NEK7: variants seen among roughly 807,000 people sequenced by gnomAD.
NEK7 encodes the protein NIMA related kinase 7.
NEK7 carries 18 observed loss-of-function variants against 44.6 expected under a neutral mutation model. The ratio of observed to expected loss-of-function variants is 0.40; its 90% CI spans 0.28 to 0.60. NEK7 has a LOEUF of 0.60. Ranked by LOEUF, NEK7 falls within the 20% of genes least tolerant of loss-of-function variation. The pLI is 0.38. For missense variants in NEK7, 256 were observed against 366.5 expected (o/e 0.70, Z 2.46); for synonymous variants, 130 against 121.1 (o/e 1.07, Z -0.48).
chr1:198,248,781 A>C (rs1252401975), intron 2 of NEK7, among the ~76,000 whole-genome samples: 3 of 152,162 alleles, frequency 2.0e-5, no homozygotes, highest in African/African-American at 7.2e-5. Flanking sequence ...GCAGAGAAAT[A>C]CTAGATTGGG....
chr1:198,230,830 A>G (rs1408639591), intron 1 of NEK7, among the ~76,000 whole-genome samples: 2 of 152,058 alleles, frequency 1.3e-5, no homozygotes, highest in Non-Finnish European at 2.9e-5. Flanking sequence ...GTAGTATCAA[A>G]AAATATAAAA....
intron 1 of NEK7, among the ~76,000 whole-genome samples, chr1:198,223,928 G>A (rs1385044231): frequency 1.3e-5 from 2 of 152,062 alleles, no homozygotes; most frequent in East Asian, 3.9e-4. Context: ...GTAGAATAAA[G>A]ATCTTTGCAA....
chr1:198,235,826 G>A (rs542373517), intron 2 of NEK7, among the ~76,000 whole-genome samples: 1 of 152,114 alleles, frequency 6.6e-6, no homozygotes, highest in Non-Finnish European at 1.5e-5. Flanking sequence ...TTTGAAGATA[G>A]TGTAATATTT....
At chr1:198,232,409 A>T (rs774816270) in intron 1 of NEK7, 144 bp from the exon 2 acceptor site, 1 of 467,174 alleles carries the variant, frequency 2.1e-6, no homozygotes, top group Admixed American at 3.8e-5. Context: ...GATTTAGCAA[A>T]TGGCAAAAGA....
intron 1 of NEK7, among the ~76,000 whole-genome samples, chr1:198,186,672 T>C (rs911781837): frequency 1.3e-5 from 2 of 152,162 alleles, no homozygotes; most frequent in Admixed American, 6.6e-5. Context: ...AATTTTCATA[T>C]GAGTATACCA....
At chr1:198,223,287 G>C (rs748615945) in intron 1 of NEK7, among the ~76,000 whole-genome samples, 2 of 152,110 alleles carry the variant, frequency 1.3e-5, no homozygotes, top group African/African-American at 4.8e-5. Flanking sequence ...TAACTTGTAG[G>C]GTAGTAGTAG....
At chr1:198,264,889 A>T (rs1241638009) in intron 5 of NEK7, among the ~76,000 whole-genome samples, 1 of 152,050 alleles carries the variant, frequency 6.6e-6, no homozygotes, top group Non-Finnish European at 1.5e-5. Context: ...AATAGAACCT[A>T]CTTTATAGGA....
intron 2 of NEK7, among the ~76,000 whole-genome samples, chr1:198,235,514 C>T (rs567320977): frequency 6.6e-6 from 1 of 151,994 alleles, no homozygotes; most frequent in East Asian, 1.9e-4. Context: ...GTGGATTTAG[C>T]TTTTTAAAAA....
In NEK7 at chr1:198,209,225, A is replaced by G. The variant is rs564461005; in HGVS notation, c.-28-23328A>G. Among the ~76,000 whole-genome samples the G allele has an allele frequency of 1.2e-4, 18 of 151,316 alleles. No homozygotes were observed. The East Asian group carries it at 3.1e-3, about 26-fold the overall frequency. ...TGAACTATTTTGCCACTATGAAAGC[A>G]AAGACTGCCTATACTCTTTTTCATA... is the stretch of plus-strand genomic sequence containing the variant. On this transcript the variant is annotated intron_variant, in intron 1 of 9. Transcript: ENST00000367385.
intron 1 of NEK7, among the ~76,000 whole-genome samples, chr1:198,224,689 T>C (rs1191150320): frequency 6.6e-6 from 1 of 151,942 alleles, no homozygotes; most frequent in Admixed American, 6.6e-5. Flanking sequence ...TATTGGTAAA[T>C]AAATTAGTAT....
rs1259142322 is a variant in NEK7, at chr1:198,320,989, C to G, written c.*1467C>G. 5 of 152,238 alleles carry G rather than the reference C, an allele frequency of 3.3e-5. No homozygotes were observed. Among genetic ancestry groups the G allele is most frequent in the Non-Finnish European group, 7.3e-5 (5 of 68,030 alleles). The allele number at this position is 152,238 out of a possible 1,614,324, so 9.4% of individuals were successfully genotyped here. A position where few individuals can be genotyped will look rare whatever the true frequency, so the allele number is the denominator to read the frequency against. ...CCAGTTTCTCACAGAATTGTGAAGC[C>G]TGAAGGCCAAGAGGAAGTCACTGTT... is the stretch of plus-strand genomic sequence containing the variant. On this transcript the variant is annotated 3_prime_UTR_variant, in exon 10 of 10. Coordinates refer to ENST00000367385, the MANE Select transcript of NEK7 (RefSeq NM_133494.3).
intron 1 of NEK7, among the ~76,000 whole-genome samples, chr1:198,220,372 A>G (rs193150002): frequency 6.6e-6 from 1 of 152,132 alleles, no homozygotes; most frequent in Non-Finnish European, 1.5e-5. Context: ...AATTCCTTTA[A>G]ATGGAGAAGG....
chr1:198,211,639 C>A (rs900466262), intron 1 of NEK7, among the ~76,000 whole-genome samples: 7 of 151,962 alleles, frequency 4.6e-5, no homozygotes, highest in Non-Finnish European at 2.9e-5. Flanking sequence ...TGAATTAGAA[C>A]AGTGATTGAA....
intron 1 of NEK7, among the ~76,000 whole-genome samples, chr1:198,161,197 T>C (rs551055906): frequency 3.3e-5 from 5 of 152,308 alleles, no homozygotes; most frequent in Admixed American, 3.3e-4. Flanking sequence ...ATAATGGAAA[T>C]AGGCCTTTTT....
intron 3 of NEK7, among the ~76,000 whole-genome samples, chr1:198,257,466 C>T (rs1422015226): frequency 6.6e-6 from 1 of 152,102 alleles, no homozygotes; most frequent in Non-Finnish European, 1.5e-5. Flanking sequence ...ATAGCACTTC[C>T]ATAATACATA....
chr1:198,224,146 G>A (rs761818023), intron 1 of NEK7, among the ~76,000 whole-genome samples: 19 of 152,110 alleles, frequency 1.2e-4, no homozygotes, highest in Non-Finnish European at 2.6e-4. Flanking sequence ...ATAGCCATGT[G>A]CCACATAATG....
intron 9 of NEK7, among the ~76,000 whole-genome samples, chr1:198,298,234 A>C (rs920372941): frequency 6.6e-6 from 1 of 152,228 alleles, no homozygotes; most frequent in Non-Finnish European, 1.5e-5. Flanking sequence ...TTCACTTATT[A>C]GGTAATCATG....
chr1:198,230,032 A>G (rs1212915183), intron 1 of NEK7, among the ~76,000 whole-genome samples: 2 of 152,216 alleles, frequency 1.3e-5, no homozygotes, highest in African/African-American at 2.4e-5. Context: ...AGCAAAGCAA[A>G]GAAACGAAAC....
intron 9 of NEK7, 142 bp from the exon 10 acceptor site, chr1:198,319,270 A>G: frequency 1.8e-6 from 1 of 570,536 alleles, no homozygotes; most frequent in South Asian, 2.3e-5. Flanking sequence ...GCAGTCTTAT[A>G]TATATTTCTA....
Sources: allele counts gnomAD v4.1 joint callset (sites outside exome capture counted in the v4.1 genomes callset), GRCh38; gene constraint gnomAD v4.1.1; transcripts MANE v1.5; gene names NCBI Gene and HGNC (gene_info 2026-07-23, HGNC 2026-07-21).